PTPN4: variants seen among roughly 807,000 people sequenced by gnomAD.
The protein encoded by PTPN4 is tyrosine-protein phosphatase non-receptor type 4.
In PTPN4, 49 loss-of-function variants were observed where a neutral mutation model predicts 135.5. That is an observed-to-expected ratio of 0.36 (90% CI 0.29 to 0.46). The LOEUF (loss-of-function observed/expected upper bound fraction) is 0.46, where lower values mean the gene tolerates loss of function less well. Among genes scored for constraint, PTPN4 ranks in the 20% least tolerant of loss-of-function variants. The pLI, the probability that PTPN4 is intolerant of heterozygous loss-of-function variation, is 1.00. For synonymous variants in PTPN4, 333 were observed against 369.9 expected (o/e 0.90, Z 1.14); for missense variants, 860 against 1,101.0 (o/e 0.78, Z 3.10).
intron 10 of PTPN4, among the ~76,000 whole-genome samples, chr2:119,911,958 G>A (rs369929881): frequency 3.3e-5 from 5 of 151,976 alleles, no homozygotes; most frequent in Non-Finnish European, 5.9e-5. Context: ...GCAAATGTTT[G>A]TACAAAGACT....
intron 3 of PTPN4, among the ~76,000 whole-genome samples, chr2:119,872,494 T>C (rs1028488407): frequency 6.6e-6 from 1 of 152,202 alleles, no homozygotes; most frequent in African/African-American, 2.4e-5. Flanking sequence ...ATACTTTCTC[T>C]TCCTGAAATA....
At chr2:119,924,381 TA>T (rs1279562272) in intron 12 of PTPN4, among the ~76,000 whole-genome samples, 1 of 152,136 alleles carries the variant, frequency 6.6e-6, no homozygotes, top group African/African-American at 2.4e-5. Flanking sequence ...CCTGTATGTC[TA>T]GCCTTTTTAA....
At position 119,984,748 on chromosome 2, in the gene PTPN4, G is replaced by A. The variant is rs1323825210; in HGVS notation, c.*7678G>A. ...CATTAATACTGTTTTAGTCTTAAGA[G>A]CAATTTATATTATGTGAAATGCTGT... is the stretch of plus-strand genomic sequence containing the variant. On this transcript the variant is annotated 3_prime_UTR_variant, in exon 27 of 27. Coordinates refer to ENST00000263708, the MANE Select transcript of PTPN4 (RefSeq NM_002830.4). Among the ~76,000 whole-genome samples the A allele has an allele frequency of 6.6e-6, 1 of 152,150 alleles. No individual in the cohort carries two copies. The highest frequency in any genetic ancestry group is 6.5e-5 in the Admixed American group (1 of 15,272).
At chr2:119,786,010 G>A (rs1382681986) in intron 1 of PTPN4, among the ~76,000 whole-genome samples, 1 of 152,170 alleles carries the variant, frequency 6.6e-6, no homozygotes, top group African/African-American at 2.4e-5. Context: ...TTTTAAAAAT[G>A]CGTGCTTGGT....
intron 1 of PTPN4, among the ~76,000 whole-genome samples, chr2:119,767,533 CTCTT>C (rs1289936409): frequency 6.6e-6 from 1 of 152,244 alleles, no homozygotes; most frequent in Non-Finnish European, 1.5e-5. Context: ...AGTAGTATCT[CTCTT>C]TTCTTTTTGG....
At chr2:119,949,870 TACACACACAC>T (rs139007582) in intron 18 of PTPN4, among the ~76,000 whole-genome samples, 6 of 148,848 alleles carry the variant, frequency 4.0e-5, no homozygotes, top group African/African-American at 1.5e-4. Flanking sequence ...CTGTCTGAAA[TACACACACAC>T]ACACACACAG....
At chr2:119,868,446 A>G (rs1446775141) in intron 3 of PTPN4, among the ~76,000 whole-genome samples, 1 of 152,248 alleles carries the variant, frequency 6.6e-6, no homozygotes, top group Non-Finnish European at 1.5e-5. Flanking sequence ...TAGATTTAAT[A>G]TATACTGTTG....
At chr2:119,803,346 A>G (rs1295753969) in intron 1 of PTPN4, among the ~76,000 whole-genome samples, 2 of 152,174 alleles carry the variant, frequency 1.3e-5, no homozygotes, top group African/African-American at 2.4e-5. Flanking sequence ...TGCTTAAATC[A>G]TATCTCACAA....
At chr2:119,834,800 T>C (rs1218213550) in intron 2 of PTPN4, among the ~76,000 whole-genome samples, 1 of 152,182 alleles carries the variant, frequency 6.6e-6, no homozygotes, top group East Asian at 1.9e-4. Flanking sequence ...AGAGTCTTAA[T>C]AGTAACTATC....
chr2:119,935,021 A>G, intron 15 of PTPN4, 63 bp downstream of exon 15: 1 of 1,476,058 alleles, frequency 6.8e-7, no homozygotes, highest in Non-Finnish European at 9.2e-7. Context: ...TTTACTTAAA[A>G]TAATCTGGGA....
chr2:119,856,172 CAGA>C (rs1413986455), intron 2 of PTPN4, among the ~76,000 whole-genome samples: 3 of 152,100 alleles, frequency 2.0e-5, no homozygotes, highest in Admixed American at 1.3e-4. Context: ...GACTTTCAAC[CAGA>C]AGGAGAGGCT....
chr2:119,818,793 A>C (rs1386256094), intron 2 of PTPN4, among the ~76,000 whole-genome samples: 1 of 152,198 alleles, frequency 6.6e-6, no homozygotes, highest in Non-Finnish European at 1.5e-5. Flanking sequence ...AAGCTTTTTA[A>C]GATAGGTCTG....
chr2:119,899,870 G>C (rs1224015385), intron 9 of PTPN4, among the ~76,000 whole-genome samples: 2 of 152,032 alleles, frequency 1.3e-5, no homozygotes, highest in Non-Finnish European at 2.9e-5. Context: ...TTCATTAGAA[G>C]TTATTGATAC....
At chr2:119,808,999 G>A (rs1045769649) in intron 1 of PTPN4, among the ~76,000 whole-genome samples, 3 of 152,074 alleles carry the variant, frequency 2.0e-5, no homozygotes, top group African/African-American at 4.8e-5. Context: ...TTCTAGTTTA[G>A]TGTGTTTCCT....
rs70949378 is a variant in PTPN4 at position 119,973,655 on chromosome 2, G to GTTTTTTTTTTTT, written c.2695-3313_2695-3302dup. 1.0e-3 allele frequency among the ~76,000 whole-genome samples: 39 copies of GTTTTTTTTTTTT among 38,392 alleles called. 11 individuals carry two copies. The highest frequency in any genetic ancestry group is 2.8e-3 in the African/African-American group (22 of 7,952). 25.2% of individuals were successfully genotyped at this position (38,392 alleles called of 152,430 possible). On this transcript the variant is annotated intron_variant, in intron 26 of 26. Transcript: ENST00000263708. ...TTGAAAGCTTCCTCCTTCATTTCTT[G>GTTTTTTTTTTTT]TTTTTTTTTTTTTTTTTTTTTTTTT...
intron 9 of PTPN4, among the ~76,000 whole-genome samples, chr2:119,887,126 A>G (rs1441906192): frequency 1.3e-5 from 2 of 152,092 alleles, no homozygotes; most frequent in Non-Finnish European, 2.9e-5. Context: ...TTGTGTAACT[A>G]GTTTGTTTTT....
At chr2:119,806,967 T>A (rs201439344) in intron 1 of PTPN4, among the ~76,000 whole-genome samples, 3 of 152,110 alleles carry the variant, frequency 2.0e-5, no homozygotes, top group Non-Finnish European at 4.4e-5. Flanking sequence ...ACAACCTGCT[T>A]CTGAATGACT....
At chr2:119,931,753 A>G (rs1179351353) in intron 13 of PTPN4, among the ~76,000 whole-genome samples, 1 of 151,976 alleles carries the variant, frequency 6.6e-6, no homozygotes, top group Non-Finnish European at 1.5e-5. Context: ...ATCTTTTTTT[A>G]AAACATCACT....
At chr2:119,773,052 G>A (rs571389699) in intron 1 of PTPN4, among the ~76,000 whole-genome samples, 2 of 152,198 alleles carry the variant, frequency 1.3e-5, no homozygotes, top group East Asian at 3.9e-4. Flanking sequence ...GAAAGAAGTG[G>A]TACTTTGTTT....
Sources: gnomAD v4.1 joint callset for allele counts (sites outside exome capture counted in the v4.1 genomes callset) on GRCh38, gnomAD v4.1.1 for gene constraint, MANE v1.5 for transcripts, NCBI Gene and HGNC (gene_info 2026-07-23, HGNC 2026-07-21) for gene names.